The following CELF4 variants were observed in gnomAD, a reference collection of about 807,000 sequenced individuals.
The protein encoded by CELF4 is CUG-BP- and ETR-3-like factor 4.
Under a neutral mutation model 59.9 loss-of-function variants are expected in CELF4, and 18 were observed. That is an observed-to-expected ratio of 0.30 (90% confidence interval 0.21 to 0.45). The LOEUF is 0.45. CELF4 is among the 20% of genes least tolerant of loss of function. The pLI, the probability that CELF4 is intolerant of heterozygous loss-of-function variation, is 1.00. For synonymous variants in CELF4, 261 were observed against 267.1 expected (o/e 0.98, Z 0.22); for missense variants, 456 against 689.0 (o/e 0.66, Z 3.79).
chr18:37,337,299 A>T (rs1168894525), intron 2 of CELF4, among the ~76,000 whole-genome samples: 3 of 151,580 alleles, frequency 2.0e-5, no homozygotes, highest in Non-Finnish European at 4.4e-5. Flanking sequence ...TGAGCCTCAC[A>T]CCCTCCCCTT....
chr18:37,405,359 C>G (rs2099375489), intron 2 of CELF4, among the ~76,000 whole-genome samples: 1 of 152,226 alleles, frequency 6.6e-6, no homozygotes, highest in Non-Finnish European at 1.5e-5. Context: ...GTTCAGATCT[C>G]TGCACCCAAG....
intron 2 of CELF4, among the ~76,000 whole-genome samples, chr18:37,355,169 G>GT (rs1163755020): frequency 6.6e-6 from 1 of 152,214 alleles, no homozygotes; most frequent in Non-Finnish European, 1.5e-5. Context: ...GCTTGGGGAT[G>GT]TAAGGTGTGC....
chr18:37,374,671 A>C (rs1446175280), intron 2 of CELF4, among the ~76,000 whole-genome samples: 1 of 152,138 alleles, frequency 6.6e-6, no homozygotes, highest in Admixed American at 6.5e-5. Context: ...TCAGTCTCTG[A>C]TGGAAAAGCC....
Position 37,275,315 on chromosome 18 carries a change from G to C in CELF4, c.449-72C>G, listed in dbSNP as rs1196953815. The C allele has an allele frequency of 9.0e-6, 14 of 1,550,892 alleles. No individual in the cohort carries two copies. The East Asian group carries it at 2.9e-4, about 33-fold the overall frequency. ...CGCGGGAGCAGGGCAAGGCCGGAGG[G>C]GGAGAGCGGCAGGGAAAGGGAGGAG... On this transcript the variant is annotated intron_variant, in intron 3 of 12. Transcript: ENST00000420428.
intron 1 of CELF4, among the ~76,000 whole-genome samples, chr18:37,492,166 G>A (rs1423735509): frequency 2.0e-5 from 3 of 152,258 alleles, no homozygotes; most frequent in South Asian, 2.1e-4. Context: ...GGACTTGGCC[G>A]GCCTGGAGGA....
intron 2 of CELF4, among the ~76,000 whole-genome samples, chr18:37,362,270 G>T: frequency 6.7e-6 from 1 of 148,522 alleles, no homozygotes; most frequent in African/African-American, 2.4e-5. Context: ...AGGTTTGTTT[G>T]TTCCAGCCCC....
At chr18:37,381,110 T>TCATCCATCCATC (rs373054331) in intron 2 of CELF4, among the ~76,000 whole-genome samples, 1 of 134,534 alleles carries the variant, frequency 7.4e-6, no homozygotes, top group Non-Finnish European at 1.6e-5. Context: ...CCATCCACCA[T>TCATCCATCCATC]CATCCATCCA....
chr18:37,375,807 C>T (rs1408178512), intron 2 of CELF4, among the ~76,000 whole-genome samples: 1 of 152,126 alleles, frequency 6.6e-6, no homozygotes, highest in Admixed American at 6.5e-5. Context: ...TCTACTCTTC[C>T]ACCCCCAAGC....
At chr18:37,321,937 A>T (rs1009791224) in intron 2 of CELF4, 56 bp from the exon 3 acceptor site, 2 of 1,419,312 alleles carry the variant, frequency 1.4e-6, no homozygotes, top group Non-Finnish European at 2.0e-6. Context: ...GAGGGGACAG[A>T]CACCCAGCAC....
intron 6 of CELF4, chr18:37,273,968 C>T: frequency 1.8e-6 from 2 of 1,140,358 alleles, no homozygotes; most frequent in Non-Finnish European, 2.2e-6. Flanking sequence ...AACCAATGAC[C>T]TGAACCTCAC....
chr18:37,284,565 C>G (rs1316887644), intron 3 of CELF4, among the ~76,000 whole-genome samples: 1 of 152,180 alleles, frequency 6.6e-6, no homozygotes, highest in African/African-American at 2.4e-5. Context: ...ATGACAAGAG[C>G]CTGAAGGACC....
intron 1 of CELF4, among the ~76,000 whole-genome samples, chr18:37,511,522 C>A (rs2099944314): frequency 6.6e-6 from 1 of 151,938 alleles, no homozygotes; most frequent in African/African-American, 2.4e-5. Flanking sequence ...CCAAACTCAG[C>A]CTGTGACACT....
At chr18:37,505,244 C>G (rs1487350778) in intron 1 of CELF4, among the ~76,000 whole-genome samples, 4 of 152,236 alleles carry the variant, frequency 2.6e-5, no homozygotes, top group African/African-American at 9.6e-5. Context: ...GGCCTGGTGA[C>G]TGGGGCCAGC....
chr18:37,449,011 G>A (rs1465396442), intron 2 of CELF4, among the ~76,000 whole-genome samples: 1 of 152,214 alleles, frequency 6.6e-6, no homozygotes, highest in East Asian at 1.9e-4. Context: ...CTTAGTGACA[G>A]CATCACGCTC....
At chr18:37,272,450 A>G (rs1352951232) in intron 7 of CELF4, among the ~76,000 whole-genome samples, 1 of 151,972 alleles carries the variant, frequency 6.6e-6, no homozygotes, top group African/African-American at 2.4e-5. Flanking sequence ...AATCAAAAAC[A>G]TGATTTGTGA....
chr18:37,459,522 T>C (rs747683555), intron 2 of CELF4, among the ~76,000 whole-genome samples: 1 of 152,110 alleles, frequency 6.6e-6, no homozygotes, highest in Non-Finnish European at 1.5e-5. Flanking sequence ...ATCCACAGGA[T>C]TCATGGATGT....
chr18:37,315,691 G>A (rs1004709779), intron 3 of CELF4, among the ~76,000 whole-genome samples: 6 of 152,154 alleles, frequency 3.9e-5, no homozygotes, highest in African/African-American at 7.2e-5. Flanking sequence ...GCCCAGTTCC[G>A]CACATGCACC....
chr18:37,321,026 G>A (rs1269695255), intron 3 of CELF4, among the ~76,000 whole-genome samples: 1 of 152,132 alleles, frequency 6.6e-6, no homozygotes, highest in Admixed American at 6.5e-5. Context: ...ATCTCATCTA[G>A]GGGAGCCTAG....
chr18:37,252,186 G>A (rs569092662), intron 12 of CELF4, among the ~76,000 whole-genome samples: 11 of 152,266 alleles, frequency 7.2e-5, no homozygotes, highest in Admixed American at 5.2e-4. Flanking sequence ...ACTCAAATGT[G>A]TATTTTTCAC....
Sources: gnomAD v4.1 joint callset for allele counts (sites outside exome capture counted in the v4.1 genomes callset) on GRCh38, gnomAD v4.1.1 for gene constraint, MANE v1.5 for transcripts, NCBI Gene and HGNC (gene_info 2026-07-23, HGNC 2026-07-21) for gene names.